The following ANKS1B variants were observed in gnomAD, a reference collection of about 807,000 sequenced individuals.
ANKS1B encodes ankyrin repeat and sterile alpha motif domain containing 1B.
ANKS1B carries 36 observed loss-of-function variants against 148.3 expected under a neutral mutation model. That is an observed-to-expected ratio of 0.24 (90% CI 0.19 to 0.32). ANKS1B has a LOEUF of 0.32. Ranked by LOEUF, ANKS1B falls within the 10% of genes least tolerant of loss-of-function variation. The probability of loss-of-function intolerance (pLI) is 1.00; values close to 1 mark genes in which losing one functional copy is unlikely to be tolerated. For missense variants in ANKS1B, 1,157 were observed against 1,542.6 expected (o/e 0.75, Z 4.19); for synonymous variants, 542 against 560.8 (o/e 0.97, Z 0.47).
At chr12:99,888,967 A>AAAACACAC (rs1249874106) in intron 1 of ANKS1B, among the ~76,000 whole-genome samples, 1 of 33,896 alleles carries the variant, frequency 3.0e-5, no homozygotes, top group Non-Finnish European at 5.9e-5. Context: ...CACCTTCGCC[A>AAAACACAC]AAACACACAC....
chr12:98,894,560 A>C (rs1180229292), intron 17 of ANKS1B: 4 of 983,262 alleles, frequency 4.1e-6, no homozygotes, highest in Non-Finnish European at 4.8e-6. Context: ...CGGCTGCGGC[A>C]CCACTTCTTG....
At chr12:99,978,427 C>T (rs527789792) in intron 1 of ANKS1B, among the ~76,000 whole-genome samples, 1 of 152,308 alleles carries the variant, frequency 6.6e-6, no homozygotes, top group African/African-American at 2.4e-5. Context: ...CATCATGCAG[C>T]TGGCACTGTT....
intron 10 of ANKS1B, among the ~76,000 whole-genome samples, chr12:99,488,903 A>G (rs1221865491): frequency 2.6e-5 from 4 of 152,204 alleles, no homozygotes; most frequent in Admixed American, 1.3e-4. Context: ...AAAACTTGAC[A>G]GATCTTGCCA....
chr12:99,658,387 T>A (rs2098460251), intron 8 of ANKS1B, among the ~76,000 whole-genome samples: 1 of 152,148 alleles, frequency 6.6e-6, no homozygotes, highest in Non-Finnish European at 1.5e-5. Context: ...GTATTAACTA[T>A]CATGTTTATT....
At chr12:99,382,009 G>A (rs776603615) in intron 12 of ANKS1B, among the ~76,000 whole-genome samples, 10 of 152,146 alleles carry the variant, frequency 6.6e-5, no homozygotes, top group Non-Finnish European at 1.3e-4. Context: ...ATCTGTTGTT[G>A]GTAGAAATTT....
intron 9 of ANKS1B, among the ~76,000 whole-genome samples, chr12:99,533,541 T>C (rs1181718685): frequency 2.0e-5 from 3 of 152,202 alleles, no homozygotes; most frequent in Non-Finnish European, 2.9e-5. Context: ...TCTTGCCTGA[T>C]TGCTCTGGCT....
intron 15 of ANKS1B, among the ~76,000 whole-genome samples, chr12:99,141,723 T>A (rs1860202116): frequency 6.6e-6 from 1 of 152,096 alleles, no homozygotes. Context: ...GATAATGGCT[T>A]CCAGCTCAAT....
intron 24 of ANKS1B, among the ~76,000 whole-genome samples, chr12:98,780,328 G>A (rs1444250401): frequency 1.3e-5 from 2 of 152,158 alleles, no homozygotes; most frequent in African/African-American, 4.8e-5. Flanking sequence ...GAACGTTTGG[G>A]GTTTTGTGAG....
intron 17 of ANKS1B, among the ~76,000 whole-genome samples, chr12:98,995,500 T>C (rs2153328094): frequency 6.6e-6 from 1 of 152,334 alleles, no homozygotes; most frequent in Non-Finnish European, 1.5e-5. Flanking sequence ...TGTCAAAGGT[T>C]CTACGGCAAT....
intron 1 of ANKS1B, among the ~76,000 whole-genome samples, chr12:99,909,771 G>C (rs773850795): frequency 1.4e-4 from 21 of 151,670 alleles, no homozygotes; most frequent in Non-Finnish European, 2.9e-4. Flanking sequence ...TATTACCTTT[G>C]CCTCTTCTTT....
chr12:99,530,521 C>T (rs1362510311), intron 9 of ANKS1B, among the ~76,000 whole-genome samples: 1 of 152,138 alleles, frequency 6.6e-6, no homozygotes, highest in Non-Finnish European at 1.5e-5. Flanking sequence ...GAAAGAATCT[C>T]ACTTTCCTTG....
At chr12:99,587,863 A>G (rs949952084) in intron 9 of ANKS1B, among the ~76,000 whole-genome samples, 1 of 152,222 alleles carries the variant, frequency 6.6e-6, no homozygotes, top group African/African-American at 2.4e-5. Flanking sequence ...TGGGGTGAAT[A>G]TCAACATGGA....
intron 19 of ANKS1B, among the ~76,000 whole-genome samples, chr12:98,816,358 C>T (rs983868333): frequency 2.0e-5 from 3 of 152,150 alleles, no homozygotes; most frequent in African/African-American, 7.2e-5. Flanking sequence ...TGCAATGGCA[C>T]GATCTTGGCT....
intron 1 of ANKS1B, among the ~76,000 whole-genome samples, chr12:99,965,032 G>A (rs918132976): frequency 1.3e-5 from 2 of 152,208 alleles, no homozygotes; most frequent in African/African-American, 4.8e-5. Context: ...ATGTAAATAT[G>A]TGTACACAGT....
intron 1 of ANKS1B, among the ~76,000 whole-genome samples, chr12:99,963,233 T>C (rs1030505871): frequency 6.6e-6 from 1 of 152,200 alleles, no homozygotes; most frequent in Admixed American, 6.5e-5. Context: ...TTAAGTTCCT[T>C]GTAAATTCTG....
intron 12 of ANKS1B, among the ~76,000 whole-genome samples, chr12:99,349,087 A>C (rs2091099412): frequency 6.6e-6 from 1 of 151,948 alleles, no homozygotes; most frequent in Non-Finnish European, 1.5e-5. Flanking sequence ...ATACTATTGA[A>C]GCTAAGTGGG....
intron 25 of ANKS1B, among the ~76,000 whole-genome samples, chr12:98,772,195 C>T (rs529638583): frequency 2.6e-5 from 4 of 152,262 alleles, no homozygotes; most frequent in African/African-American, 9.6e-5. Flanking sequence ...ATGTTGAAGG[C>T]TTAACATGCA....
intron 24 of ANKS1B, among the ~76,000 whole-genome samples, chr12:98,776,724 C>T (rs1454038958): frequency 1.3e-5 from 2 of 152,232 alleles, no homozygotes; most frequent in African/African-American, 4.8e-5. Context: ...TCCTCATCAG[C>T]CGGGCTTTTC....
intron 8 of ANKS1B, among the ~76,000 whole-genome samples, chr12:99,711,353 T>G (rs2056609189): frequency 6.6e-6 from 1 of 152,156 alleles, no homozygotes; most frequent in Non-Finnish European, 1.5e-5. Context: ...ATTTGTGTGA[T>G]GTGGGTTTAT....
Sources: allele counts gnomAD v4.1 joint callset (sites outside exome capture counted in the v4.1 genomes callset), GRCh38; gene constraint gnomAD v4.1.1; transcripts MANE v1.5; gene names NCBI Gene and HGNC (gene_info 2026-07-23, HGNC 2026-07-21).